Variants in EGLN1 observed in about 807,000 individuals in gnomAD.
The protein encoded by EGLN1 is egl-9 family hypoxia inducible factor 1.
In EGLN1, 17 loss-of-function variants were observed where a neutral mutation model predicts 38.3. That is an observed-to-expected ratio of 0.44 (90% CI 0.30 to 0.67). The LOEUF is 0.67. Ranked by LOEUF, EGLN1 falls within the 30% of genes least tolerant of loss-of-function variation. The pLI, the probability that EGLN1 is intolerant of heterozygous loss-of-function variation, is 0.08. For missense variants in EGLN1, 477 were observed against 603.3 expected (o/e 0.79, Z 2.19); for synonymous variants, 283 against 257.5 (o/e 1.10, Z -0.95).
intron 4 of EGLN1, among the ~76,000 whole-genome samples, chr1:231,367,175 T>C (rs1687671933): frequency 6.6e-6 from 1 of 152,228 alleles, no homozygotes; most frequent in Admixed American, 6.5e-5. Context: ...ACATTTAACA[T>C]GGAAGACCTA....
At chr1:231,367,504 T>C in intron 4 of EGLN1, 65 bp downstream of exon 4, 3 of 1,508,164 alleles carry the variant, frequency 2.0e-6, no homozygotes, top group Admixed American at 1.7e-5. Context: ...TTGAGTTTCC[T>C]GAAAGCATCA....
At chr1:231,417,270 C>A (rs899004857) in intron 1 of EGLN1, among the ~76,000 whole-genome samples, 2 of 152,204 alleles carry the variant, frequency 1.3e-5, no homozygotes, top group African/African-American at 4.8e-5. Flanking sequence ...TAATCTGCTG[C>A]TTATTAGTCC....
chr1:231,417,555 T>C (rs549556482), intron 1 of EGLN1, among the ~76,000 whole-genome samples: 5 of 152,154 alleles, frequency 3.3e-5, no homozygotes, highest in Non-Finnish European at 5.9e-5. Flanking sequence ...CTGCATATCA[T>C]TGAGACTCTT....
rs369149201 is a variant in EGLN1, at chr1:231,421,058, G to A, written c.831C>T (p.Asp277=). ...ETIGLLMSSM[D]DLIRHCNGKL... is the part of the protein sequence containing the mutation. Reference sequence around the variant, plus strand: ...TCCCGTTACAGTGGCGTATCAGGTCGTCCATGCTGCTCATGAGCAGCCCAA... The same window carrying A: ...TCCCGTTACAGTGGCGTATCAGGTCATCCATGCTGCTCATGAGCAGCCCAA... Residue 277 remains aspartate (D), a synonymous_variant, in exon 1 of 5, where the codon GAC becomes GAT. Transcript: ENST00000366641. This position sits in a 1 kb window ranked among gnomAD's most constrained non-coding sequence, Gnocchi z 5.5. The A allele has an allele frequency of 1.1e-5, 17 of 1,613,996 alleles. No homozygotes were observed. In the African/African-American group the frequency reaches 2.0e-4, roughly 19 times the overall value.
intron 1 of EGLN1, among the ~76,000 whole-genome samples, chr1:231,389,652 G>C (rs576816860): frequency 6.6e-6 from 1 of 152,192 alleles, no homozygotes; most frequent in African/African-American, 2.4e-5. Flanking sequence ...CAAAGATTAA[G>C]AACAGTGGGG....
intron 1 of EGLN1, among the ~76,000 whole-genome samples, chr1:231,416,744 C>T (rs1689093647): frequency 6.6e-6 from 1 of 152,198 alleles, no homozygotes; most frequent in Admixed American, 6.5e-5. Flanking sequence ...CACATCAACT[C>T]ACTACACAAA....
chr1:231,400,469 AGTT>A (rs746896084), intron 1 of EGLN1, among the ~76,000 whole-genome samples: 52 of 152,150 alleles, frequency 3.4e-4, no homozygotes, highest in Non-Finnish European at 6.2e-4. Flanking sequence ...ACATTGCCTG[AGTT>A]ACTTGAAAAC....
At chr1:231,413,421 A>G (rs2808613) in intron 1 of EGLN1, among the ~76,000 whole-genome samples, 23,012 of 152,056 alleles carry the variant, frequency 0.15, 2,141 homozygotes, top group African/African-American at 0.25. Flanking sequence ...CCATTCCTGA[A>G]AATGCTCCTC....
intron 1 of EGLN1, among the ~76,000 whole-genome samples, chr1:231,391,186 A>ACGACCGACGCGTGTGTGTGT (rs1553353128): frequency 6.5e-4 from 28 of 43,034 alleles, no homozygotes; most frequent in South Asian, 2.4e-3. Context: ...CATGGGCTCA[A>ACGACCGACGCGTGTGTGTGT]GTGATCCTCC....
At chr1:231,409,246 AAAAAAAAAAAC>A (rs1385531002) in intron 1 of EGLN1, among the ~76,000 whole-genome samples, 4 of 142,898 alleles carry the variant, frequency 2.8e-5, no homozygotes, top group Non-Finnish European at 1.5e-5. Flanking sequence ...TTTCTTAAAA[AAAAAAAAAAAC>A]AAAAAAAAAC....
chr1:231,402,175 T>C (rs2749713), intron 1 of EGLN1, among the ~76,000 whole-genome samples: 82,605 of 151,742 alleles, frequency 0.54, 24,116 homozygotes, highest in Non-Finnish European at 0.65. Flanking sequence ...CTTCTTCTTA[T>C]TAATACATTC....
chr1:231,373,236 C>T (rs985748525), intron 2 of EGLN1, among the ~76,000 whole-genome samples: 14 of 152,030 alleles, frequency 9.2e-5, no homozygotes, highest in African/African-American at 3.4e-4. Flanking sequence ...AGACTGAATC[C>T]TGCCTCCAAT....
At chr1:231,367,481 A>T in intron 4 of EGLN1, 88 bp downstream of exon 4, 1 of 1,323,834 alleles carries the variant, frequency 7.6e-7, no homozygotes, top group Non-Finnish European at 1.1e-6. Context: ...CATGGTGTTA[A>T]CAAAGACTAT....
intron 1 of EGLN1, among the ~76,000 whole-genome samples, chr1:231,420,627 G>C (rs539504255): frequency 2.1e-4 from 32 of 152,282 alleles, no homozygotes; most frequent in Non-Finnish European, 4.0e-4. Flanking sequence ...ACCAGGACTT[G>C]CTTTGGGTGG....
At chr1:231,396,412 C>T (rs1486075927) in intron 1 of EGLN1, among the ~76,000 whole-genome samples, 1 of 152,114 alleles carries the variant, frequency 6.6e-6, no homozygotes, top group African/African-American at 2.4e-5. Context: ...CGCCACCAAG[C>T]CCAGCTAATT....
At chr1:231,371,382 G>A (rs913154587) in intron 2 of EGLN1, among the ~76,000 whole-genome samples, 1 of 152,100 alleles carries the variant, frequency 6.6e-6, no homozygotes, top group Non-Finnish European at 1.5e-5. Context: ...AATAAATTAT[G>A]TCAAATAGTT....
At chr1:231,401,504 A>C (rs1057069164) in intron 1 of EGLN1, among the ~76,000 whole-genome samples, 5 of 152,200 alleles carry the variant, frequency 3.3e-5, no homozygotes, top group Admixed American at 6.5e-5. Context: ...CATCTTTAAG[A>C]ATATCTAATG....
intron 1 of EGLN1, among the ~76,000 whole-genome samples, chr1:231,377,476 G>T (rs544396512): frequency 9.2e-5 from 14 of 152,332 alleles, no homozygotes; most frequent in African/African-American, 3.4e-4. Context: ...CTAATGAGTG[G>T]AGAGTAAGAA....
rs755882450 is a variant in EGLN1 at position 231,365,823 on chromosome 1, C to G, written c.*588G>C. 6.5e-6 allele frequency: 1 copy of G among 153,748 alleles called. No homozygotes were observed. Among genetic ancestry groups the G allele is most frequent in the Non-Finnish European group, 1.5e-5 (1 of 68,904 alleles). The allele number at this position is 153,748 out of a possible 1,614,324, so 9.5% of individuals were successfully genotyped here. A position where few individuals can be genotyped will look rare whatever the true frequency, so the allele number is the denominator to read the frequency against. On this transcript the variant is annotated 3_prime_UTR_variant, in exon 5 of 5. Coordinates refer to ENST00000366641, the MANE Select transcript of EGLN1 (RefSeq NM_022051.3). The stretch of plus-strand genomic sequence containing the variant: ...GTGTAAGGAAGGACTACAAAACAAT[C>G]TGATTTTTCAGTTGTAATTAAAGTG...
Sources: gnomAD v4.1 joint callset for allele counts (sites outside exome capture counted in the v4.1 genomes callset) on GRCh38, gnomAD v4.1.1 for gene constraint, Gnocchi (gnomAD v3.1) non-coding constraint, MANE v1.5 for transcripts, NCBI Gene and HGNC (gene_info 2026-07-23, HGNC 2026-07-21) for gene names.